PLEKHG1: variants seen among roughly 807,000 people sequenced by gnomAD.
PLEKHG1 encodes the protein pleckstrin homology domain-containing family G member 1.
In PLEKHG1, 44 loss-of-function variants were observed where a neutral mutation model predicts 100.8. That is an observed-to-expected ratio of 0.44 (90% CI 0.34 to 0.56). The LOEUF (loss-of-function observed/expected upper bound fraction) is 0.56. Among genes scored for constraint, PLEKHG1 ranks in the 20% least tolerant of loss-of-function variants. The pLI is 0.01. For missense variants in PLEKHG1, 1,545 were observed against 1,720.9 expected, an observed-to-expected ratio of 0.90 and a Z score of 1.81; for synonymous variants, 640 against 662.5, an observed-to-expected ratio of 0.97 and a Z score of 0.52.
chr6:150,608,334 G>T (rs1277652930), intron 1 of PLEKHG1, among the ~76,000 whole-genome samples: 1 of 152,200 alleles, frequency 6.6e-6, no homozygotes, highest in East Asian at 1.9e-4. Context: ...GAAAGCCCCT[G>T]AGGAACAGAA....
chr6:150,797,715 A>G (rs767680314), intron 5 of PLEKHG1, among the ~76,000 whole-genome samples: 1 of 150,508 alleles, frequency 6.6e-6, no homozygotes, highest in Admixed American at 6.6e-5. Context: ...CATCCCTGTA[A>G]TCCCAGCTAC....
At chr6:150,650,084 A>C (rs959621031) in intron 2 of PLEKHG1, among the ~76,000 whole-genome samples, 4 of 151,882 alleles carry the variant, frequency 2.6e-5, no homozygotes, top group Admixed American at 2.6e-4. Flanking sequence ...GAAAGAAAAA[A>C]AAAACCAAAA....
intron 3 of PLEKHG1, among the ~76,000 whole-genome samples, chr6:150,779,962 C>CA (rs199529633): frequency 7.1e-4 from 100 of 141,140 alleles, no homozygotes; most frequent in East Asian, 1.5e-3. Flanking sequence ...GACTCCGTCT[C>CA]AAAAAAAAAA....
chr6:150,823,633 A>G, intron 13 of PLEKHG1, 21 bp from the exon 15 acceptor site: 1 of 1,581,630 alleles, frequency 6.3e-7, no homozygotes, highest in Non-Finnish European at 8.7e-7. Flanking sequence ...TCAAACTTGA[A>G]AAAAAACTTT....
chr6:150,827,727 C>T (rs2128685051), intron 14 of PLEKHG1: 1 of 1,317,554 alleles, frequency 7.6e-7, no homozygotes, highest in South Asian at 1.2e-5. Flanking sequence ...TTCTTACCCG[C>T]CAAGGAAAGA....
chr6:150,831,457 G>A lies in PLEKHG1; in HGVS notation c.2346G>A (p.Arg782=), dbSNP rs753441226. 10 of 1,614,142 alleles carry A rather than the reference G, an allele frequency of 6.2e-6. No homozygotes were observed. The highest frequency in any genetic ancestry group is 1.1e-5 in the South Asian group (1 of 91,074). The change falls in exon 15 of 16, where the codon AGG becomes AGA. Residue 782 remains arginine (R), a synonymous_variant. Transcript: ENST00000358517. This position sits in a 1 kb window ranked among gnomAD's most constrained non-coding sequence, Gnocchi z 4.1. The stretch of plus-strand genomic sequence containing the variant: ...ACTTCGTGTGCTGTGACAGCCTGAG[G>A]CCATTTGTTTCCCAAGACAGCCTCC...
chr6:150,717,213 T>G (rs536935259), upstream of PLEKHG1, among the ~76,000 whole-genome samples: 1 of 152,100 alleles, frequency 6.6e-6, no homozygotes, highest in African/African-American at 2.4e-5. Flanking sequence ...TGTATTTTTT[T>G]TTTTTTAGTA....
exon 16 of PLEKHG1, chr6:150,840,320 T>G: frequency 6.2e-7 from 1 of 1,614,174 alleles, no homozygotes. Flanking sequence ...AATCAATGGA[T>G]TCCATCAACT....
chr6:150,810,224 C>T (rs1335313560), intron 10 of PLEKHG1, among the ~76,000 whole-genome samples: 4 of 151,064 alleles, frequency 2.6e-5, no homozygotes, highest in Non-Finnish European at 5.9e-5. Flanking sequence ...CACCTGGGTC[C>T]GGGAGGCGGA....
chr6:150,808,993 AC>A, intron 7 of PLEKHG1, 111 bp from the exon 9 acceptor site: 3 of 778,718 alleles, frequency 3.9e-6, no homozygotes, highest in Non-Finnish European at 6.3e-6. Flanking sequence ...AGATAGTTAG[AC>A]CCCCTCAGGG....
chr6:150,842,991 C>A (rs1777600175), exon 16 of PLEKHG1: 1 of 152,184 alleles, frequency 6.6e-6, no homozygotes, highest in East Asian at 1.9e-4. Flanking sequence ...GGATTACAGG[C>A]ATGAGCCACT....
rs116893916 is a variant in PLEKHG1, at chr6:150,754,592, C to T, written c.412-14046C>T. ...AAAGATATAGGTGGGAGAGGAGAGGCGGGATTTGTTGTTTGGGTGGTCACA... is the reference window on the plus strand; with the variant it reads ...AAAGATATAGGTGGGAGAGGAGAGGTGGGATTTGTTGTTTGGGTGGTCACA... On this transcript the variant is annotated intron_variant, in intron 2 of 15. Coordinates refer to ENST00000358517, the Ensembl canonical transcript of PLEKHG1. 1.5e-4 allele frequency among the ~76,000 whole-genome samples: 22 copies of T among 150,450 alleles called. No individual in the cohort carries two copies. In the East Asian group the frequency reaches 3.1e-3, roughly 21 times the overall value.
intron 10 of PLEKHG1, among the ~76,000 whole-genome samples, chr6:150,810,514 A>AAGAAAGAAAGAAAGAAAGAAAG (rs1554277627): frequency 2.3e-5 from 2 of 88,540 alleles, no homozygotes; most frequent in African/African-American, 6.8e-5. Flanking sequence ...GAAAGAAAGA[A>AAGAAAGAAAGAAAGAAAGAAAG]AAAGAAAGAA....
At chr6:150,771,631 C>T (rs1053512665) in intron 3 of PLEKHG1, among the ~76,000 whole-genome samples, 1 of 151,692 alleles carries the variant, frequency 6.6e-6, no homozygotes, top group African/African-American at 2.4e-5. Flanking sequence ...TTGCAACCTC[C>T]GCCTCCCGGG....
At chr6:150,816,733 CACTG>C (rs1242544123) in intron 10 of PLEKHG1, among the ~76,000 whole-genome samples, 1 of 152,184 alleles carries the variant, frequency 6.6e-6, no homozygotes, top group Non-Finnish European at 1.5e-5. Flanking sequence ...CCTTGACACT[CACTG>C]ACAGGGTTTT....
chr6:150,744,458 T>TA (rs1378655328), intron 2 of PLEKHG1, among the ~76,000 whole-genome samples: 1 of 151,930 alleles, frequency 6.6e-6, no homozygotes, highest in South Asian at 2.1e-4. Flanking sequence ...AGTAGGCAGT[T>TA]AAAAAAAACA....
chr6:150,796,813 G>T (rs560425773), intron 5 of PLEKHG1, among the ~76,000 whole-genome samples: 1 of 152,238 alleles, frequency 6.6e-6, no homozygotes, highest in East Asian at 1.9e-4. Context: ...GTGCATAGCT[G>T]ATGAATGGCC....
intron 7 of PLEKHG1, 86 bp from the exon 9 acceptor site, chr6:150,809,019 T>C: frequency 3.4e-6 from 4 of 1,165,102 alleles, no homozygotes; most frequent in Non-Finnish European, 3.7e-6. Context: ...TTTGGCACCA[T>C]TCTTGAGGCT....
intron 1 of PLEKHG1, among the ~76,000 whole-genome samples, chr6:150,602,706 AT>A (rs903929962): frequency 6.6e-6 from 1 of 152,108 alleles, no homozygotes; most frequent in African/African-American, 2.4e-5. Flanking sequence ...GGAGTGTATG[AT>A]TTTGCAGAAG....
Sources: allele counts gnomAD v4.1 joint callset (sites outside exome capture counted in the v4.1 genomes callset), GRCh38; gene constraint gnomAD v4.1.1; non-coding constraint Gnocchi (gnomAD v3.1); transcripts MANE v1.5; gene names NCBI Gene and HGNC (gene_info 2026-07-23, HGNC 2026-07-21).